CLYBL: variants seen among roughly 807,000 people sequenced by gnomAD.
CLYBL encodes citramalyl-CoA lyase.
CLYBL carries 31 observed loss-of-function variants against 38.9 expected under a neutral mutation model. The ratio of observed to expected loss-of-function variants is 0.80; its 90% confidence interval spans 0.60 to 1.08. CLYBL has a LOEUF of 1.08. Among genes scored for constraint, CLYBL ranks in the 50% least tolerant of loss-of-function variants. The pLI, the probability that CLYBL is intolerant of heterozygous loss-of-function variation, is 0.00. For synonymous variants in CLYBL, 171 were observed against 158.6 expected, an observed-to-expected ratio of 1.08 and a Z score of -0.59; for missense variants, 434 against 411.6, an observed-to-expected ratio of 1.05 and a Z score of -0.47.
At chr13:99,609,799 G>A (rs1237362530) in intron 1 of CLYBL, among the ~76,000 whole-genome samples, 2 of 152,198 alleles carry the variant, frequency 1.3e-5, no homozygotes, top group African/African-American at 2.4e-5. Context: ...GTCGCTCATA[G>A]TATTGGGATT....
At chr13:99,674,037 G>A (rs1171220010) in intron 1 of CLYBL, among the ~76,000 whole-genome samples, 5 of 151,388 alleles carry the variant, frequency 3.3e-5, no homozygotes, top group African/African-American at 9.7e-5. Flanking sequence ...GGCAATAAAT[G>A]GAGCACGCTT....
chr13:99,734,748 C>G (rs898397933), intron 1 of CLYBL, among the ~76,000 whole-genome samples: 5 of 152,158 alleles, frequency 3.3e-5, no homozygotes, highest in African/African-American at 1.2e-4. Context: ...CAGCCTTCTA[C>G]CTAAGAATGA....
intron 1 of CLYBL, among the ~76,000 whole-genome samples, chr13:99,684,715 A>G (rs1795953646): frequency 6.6e-6 from 1 of 152,212 alleles, no homozygotes. Context: ...TGATGCAGTG[A>G]ACATAATGAT....
intron 1 of CLYBL, among the ~76,000 whole-genome samples, chr13:99,724,633 G>A (rs1169405836): frequency 2.0e-5 from 3 of 152,106 alleles, no homozygotes; most frequent in Non-Finnish European, 4.4e-5. Flanking sequence ...AGCTGTGATT[G>A]TTTTCGTGCA....
chr13:99,863,870 ACAGAAAAAACAT>A (rs2051672714), intron 4 of CLYBL, among the ~76,000 whole-genome samples: 1 of 152,196 alleles, frequency 6.6e-6, no homozygotes, highest in Admixed American at 6.5e-5. Flanking sequence ...ACTAAAAACA[ACAGAAAAAACAT>A]AGTCGAACTG....
intron 2 of CLYBL, among the ~76,000 whole-genome samples, chr13:99,801,303 A>T (rs975120736): frequency 2.6e-5 from 4 of 152,256 alleles, no homozygotes; most frequent in Non-Finnish European, 4.4e-5. Flanking sequence ...TATCAAATAC[A>T]GTTTGTAATA....
At chr13:99,710,201 C>T (rs928409965) in intron 1 of CLYBL, among the ~76,000 whole-genome samples, 2 of 147,470 alleles carry the variant, frequency 1.4e-5, no homozygotes, top group Admixed American at 6.7e-5. Flanking sequence ...CGTGAGCCAC[C>T]GTGCCCGGCC....
At chr13:99,840,779 AAG>A (rs1555316286) in intron 2 of CLYBL, among the ~76,000 whole-genome samples, 13,543 of 112,808 alleles carry the variant, frequency 0.12, 2,924 homozygotes, top group East Asian at 0.16. Context: ...AAAAAAAAAA[AAG>A]GGTTACATAT....
intron 1 of CLYBL, among the ~76,000 whole-genome samples, chr13:99,630,861 AGAT>A (rs1403645304): frequency 6.6e-6 from 1 of 152,198 alleles, no homozygotes; most frequent in Non-Finnish European, 1.5e-5. Flanking sequence ...GAAGCAAGTG[AGAT>A]TCAGGGAAGT....
chr13:99,828,731 A>G (rs1455117044), intron 2 of CLYBL, among the ~76,000 whole-genome samples: 1 of 152,208 alleles, frequency 6.6e-6, no homozygotes, highest in Non-Finnish European at 1.5e-5. Flanking sequence ...ACACACATAT[A>G]TAATACATAC....
At chr13:99,879,208 A>G (rs2052130689) in intron 7 of CLYBL, among the ~76,000 whole-genome samples, 1 of 152,240 alleles carries the variant, frequency 6.6e-6, no homozygotes, top group Non-Finnish European at 1.5e-5. Context: ...TCTTGCCAAG[A>G]ACAACACACA....
chr13:99,772,623 G>T (rs1449263270), intron 1 of CLYBL, among the ~76,000 whole-genome samples: 3 of 150,750 alleles, frequency 2.0e-5, no homozygotes, highest in Non-Finnish European at 4.4e-5. Flanking sequence ...ACCTGAGCCT[G>T]GAGGTGGAGG....
At chr13:99,866,740 A>G (rs1219284356) in intron 6 of CLYBL, among the ~76,000 whole-genome samples, 4 of 151,942 alleles carry the variant, frequency 2.6e-5, no homozygotes, top group African/African-American at 4.8e-5. Context: ...GTGAACCGCC[A>G]TAAGAATTTT....
At chr13:99,847,066 A>T (rs1002743939) in intron 2 of CLYBL, among the ~76,000 whole-genome samples, 9 of 152,204 alleles carry the variant, frequency 5.9e-5, no homozygotes, top group Non-Finnish European at 8.8e-5. Context: ...CAGCTGGAGA[A>T]CTAGAGGGAG....
intron 1 of CLYBL, among the ~76,000 whole-genome samples, chr13:99,696,105 T>G (rs1383458436): frequency 6.6e-6 from 1 of 152,172 alleles, no homozygotes; most frequent in Non-Finnish European, 1.5e-5. Flanking sequence ...AGTTTGACTT[T>G]CCATGTAGAA....
Position 99,880,494 on chromosome 13 carries a change from G to C in CLYBL, c.927+9432G>C, listed in dbSNP as rs557198270. 2.6e-5 allele frequency among the ~76,000 whole-genome samples: 4 copies of C among 152,302 alleles called. No homozygotes were observed. In the South Asian group the frequency reaches 8.3e-4, roughly 32 times the overall value. On this transcript the variant is annotated intron_variant, in intron 7 of 8. Transcript: ENST00000339105. ...ATTGTGGATCACACAGCTAGGAAAA[G>C]GCATTCCTGGATTCAAAGTCAGGTG...
At chr13:99,652,581 A>G (rs1252686756) in intron 1 of CLYBL, among the ~76,000 whole-genome samples, 1 of 152,204 alleles carries the variant, frequency 6.6e-6, no homozygotes, top group Non-Finnish European at 1.5e-5. Flanking sequence ...GGAAGGGATA[A>G]CACTATAGCC....
intron 2 of CLYBL, among the ~76,000 whole-genome samples, chr13:99,855,563 C>A (rs9554643): frequency 6.6e-6 from 1 of 152,002 alleles, no homozygotes. Flanking sequence ...GAGCTGAGAG[C>A]GCTGTTAGCA....
intron 3 of CLYBL, among the ~76,000 whole-genome samples, chr13:99,861,641 G>GTGA (rs1297480556): frequency 2.0e-5 from 3 of 152,282 alleles, no homozygotes; most frequent in East Asian, 1.9e-4. Context: ...TACTAAGGAG[G>GTGA]TGATGATGAT....
Sources: gnomAD v4.1 joint callset for allele counts (sites outside exome capture counted in the v4.1 genomes callset) on GRCh38, gnomAD v4.1.1 for gene constraint, MANE v1.5 for transcripts, NCBI Gene and HGNC (gene_info 2026-07-23, HGNC 2026-07-21) for gene names.